Variants in STRN4 observed in about 807,000 individuals in gnomAD.
STRN4 encodes striatin-4.
In STRN4, 27 loss-of-function variants were observed where a neutral mutation model predicts 77.9. That is an observed-to-expected ratio of 0.35 (90% CI 0.26 to 0.48). The LOEUF is 0.48. STRN4 is among the 20% of genes least tolerant of loss of function. The pLI is 0.99. For synonymous variants in STRN4, 466 were observed against 443.1 expected, an observed-to-expected ratio of 1.05 and a Z score of -0.65; for missense variants, 798 against 1,049.7, an observed-to-expected ratio of 0.76 and a Z score of 3.31.
In STRN4 at chr19:46,727,526, T is replaced by G. The variant is rs756518884; in HGVS notation, c.1174A>C (p.Ile392Leu). 6.2e-7 allele frequency: 1 copy of G among 1,613,340 alleles called. No homozygotes were observed. The highest frequency in any genetic ancestry group is 8.5e-7 in the Non-Finnish European group (1 of 1,179,834). ...CCCAGGCTCACCTCCCCGCCCCCGA[T>G]AGTGTCCATGATGAAGACGTCTGAG... is the stretch of plus-strand genomic sequence containing the variant. ...PHEDVFIMDT[I>L]GGGEVSLGDL... The change falls in exon 9 of 18, where the codon ATC becomes CTC. Residue 392 changes from isoleucine to leucine, a missense_variant. Coordinates refer to ENST00000263280, the MANE Select transcript of STRN4 (RefSeq NM_013403.3).
At chr19:46,728,224 G>GCCAC (rs2054167387) in intron 7 of STRN4, 1 of 664,796 alleles carries the variant, frequency 1.5e-6, no homozygotes, top group Admixed American at 2.2e-5. Flanking sequence ...TCAGGCCCCA[G>GCCAC]CCACCCATCC....
rs1408086764 is a variant in STRN4, at chr19:46,746,162, C to T, written c.269G>A (p.Arg90His). The change falls in exon 1 of 18, where the codon CGC (arginine) becomes CAC (histidine). Residue 90 changes from arginine (R) to histidine (H), a missense_variant. Around this residue, in one of 2 missense-constraint regions of STRN4, gnomAD observed 511 missense variants for 575.9 expected, o/e 0.89. Coordinates refer to ENST00000263280, the MANE Select transcript of STRN4 (RefSeq NM_013403.3). ...GACAGCGCTCACCTGTAACTCGGCG[C>T]GCTCGGCCTCCCAGCGGGCTTTCTC... ...EAEKARWEAE[R>H]AELQAQVAFL... 3 of 1,528,126 alleles carry T rather than the reference C, an allele frequency of 2.0e-6. No homozygotes were observed. Among genetic ancestry groups the T allele is most frequent in the African/African-American group, 2.9e-5 (2 of 69,636 alleles). The allele number at this position is 1,528,126 out of a possible 1,614,324, so 94.7% of individuals were successfully genotyped here.
Position 46,720,584 on chromosome 19 carries a change from G to T in STRN4, c.*18C>A. ...ACACCCCAGCCAGCGTGGCGGCCAG[G>T]GCAGGGCCAGGTGGGCATCATACGA... On this transcript the variant is annotated 3_prime_UTR_variant, in exon 17 of 18. Coordinates refer to ENST00000263280, the MANE Select transcript of STRN4 (RefSeq NM_013403.3). 1 of 1,547,926 alleles carries T rather than the reference G, an allele frequency of 6.5e-7. No homozygotes were observed. Among genetic ancestry groups the T allele is most frequent in the Non-Finnish European group, 8.8e-7 (1 of 1,142,346 alleles).
At chr19:46,734,111 C>A (rs2054310192) in intron 4 of STRN4, among the ~76,000 whole-genome samples, 4 of 152,192 alleles carry the variant, frequency 2.6e-5, no homozygotes. Context: ...TCCTATCTCC[C>A]CACCAAAAGA....
intron 12 of STRN4, among the ~76,000 whole-genome samples, chr19:46,724,469 A>T (rs1451387832): frequency 6.6e-6 from 1 of 152,196 alleles, no homozygotes; most frequent in Non-Finnish European, 1.5e-5. Context: ...CACACAGAGT[A>T]CACGGCATGG....
At chr19:46,745,384 C>T (rs1326834363) in intron 1 of STRN4, among the ~76,000 whole-genome samples, 1 of 152,182 alleles carries the variant, frequency 6.6e-6, no homozygotes, top group Non-Finnish European at 1.5e-5. Flanking sequence ...TGCAGCCACA[C>T]ATGCCCGGGA....
chr19:46,732,895 G>T, intron 5 of STRN4, 144 bp downstream of exon 5: 1 of 960,146 alleles, frequency 1.0e-6, no homozygotes, highest in East Asian at 2.6e-5. Context: ...AGGGACTCAG[G>T]GTTTCAGAAC....
At chr19:46,725,793 C>T in intron 9 of STRN4, 145 bp from the exon 10 acceptor site, 1 of 1,031,600 alleles carries the variant, frequency 9.7e-7, no homozygotes, top group Non-Finnish European at 1.4e-6. Context: ...CAGCCGGGAA[C>T]TCTCCCCTTC....
At chr19:46,729,342 A>G (rs2054196826) in intron 6 of STRN4, among the ~76,000 whole-genome samples, 1 of 152,050 alleles carries the variant, frequency 6.6e-6, no homozygotes, top group Non-Finnish European at 1.5e-5. Flanking sequence ...AGCAGCAGGA[A>G]CCCACTTGCC....
At chr19:46,721,914 G>A (rs2053986806) in intron 16 of STRN4, 72 bp downstream of exon 16, 13 of 1,572,028 alleles carry the variant, frequency 8.3e-6, no homozygotes, top group Admixed American at 3.4e-5. Context: ...CTGAGCACTT[G>A]CCTGGAGCCA....
In STRN4 at chr19:46,728,669, C is replaced by A; in HGVS notation, c.988G>T (p.Gly330Trp). 1 of 1,614,130 alleles carries A rather than the reference C, an allele frequency of 6.2e-7. No individual in the cohort carries two copies. The highest frequency in any genetic ancestry group is 8.5e-7 in the Non-Finnish European group (1 of 1,179,992). The change falls in exon 7 of 18, where the codon GGG becomes TGG. Residue 330 changes from glycine to tryptophan, a missense_variant. Gly to Trp is a radical substitution (Grantham distance 184). Around this residue, in one of 2 missense-constraint regions of STRN4, gnomAD observed 511 missense variants for 575.9 expected, o/e 0.89. Transcript: ENST00000263280. ...GTGCACCGCCGAGGGTCTGGAGCCC[C>A]TTCCCCATCCTCTCCTGAGCCCAGG... ...DFLGSGEDGEGAPDPRRCTVD... is the reference protein window; with the variant it reads ...DFLGSGEDGEWAPDPRRCTVD...
At chr19:46,730,158 C>T (rs1291590422) in intron 6 of STRN4, among the ~76,000 whole-genome samples, 1 of 152,198 alleles carries the variant, frequency 6.6e-6, no homozygotes, top group Non-Finnish European at 1.5e-5. Context: ...ACTCAGCCCT[C>T]CTGCTCTTCC....
At position 46,727,986 on chromosome 19, in the gene STRN4, T is replaced by G. The variant is rs768083048; in HGVS notation, c.1061A>C (p.Gln354Pro). ...ATCCCGCAGGTCAGCCAGAATGCCTTGGAGTTTGACCCGACGGCTTTCTGC... is the reference window on the plus strand; with the variant it reads ...ATCCCGCAGGTCAGCCAGAATGCCTGGGAGTTTGACCCGACGGCTTTCTGC... ...HELESRRVKL[Q>P]GILADLRDVD... Residue 354 changes from glutamine (Q) to proline (P), a missense_variant, in exon 8 of 18, where the codon CAA becomes CCA. Gln to Pro is a moderately conservative substitution (Grantham distance 76, BLOSUM62 -1). Coordinates refer to ENST00000263280, the MANE Select transcript of STRN4 (RefSeq NM_013403.3). 5 of 1,614,012 alleles carry G rather than the reference T, an allele frequency of 3.1e-6. No homozygotes were observed. In the South Asian group the frequency reaches 5.5e-5, roughly 18 times the overall value.
intron 16 of STRN4, 89 bp downstream of exon 16, chr19:46,721,897 G>A (rs2053986214): frequency 7.3e-6 from 11 of 1,497,724 alleles, no homozygotes; most frequent in Non-Finnish European, 1.0e-5. Flanking sequence ...CTGGCCCCCG[G>A]GGCCCCCTGA....
rs754152615 is a variant in STRN4, at chr19:46,733,001, G to A, written c.737+38C>T. The stretch of plus-strand genomic sequence containing the variant: ...CCCTGGCCTTCACCAGCAGTCAGGA[G>A]GAACAGAGAGACACACCTGCCATGT... On this transcript the variant is annotated intron_variant, in intron 5 of 17. Transcript: ENST00000263280. The surrounding 1 kb of genome is among the most constrained non-coding windows in gnomAD (Gnocchi z 4.3). 4 of 1,580,460 alleles carry A rather than the reference G, an allele frequency of 2.5e-6. No individual in the cohort carries two copies. The Admixed American group carries it at 6.9e-5, about 27-fold the overall frequency.
In STRN4 at chr19:46,722,895, C is replaced by T; in HGVS notation, c.1821G>A (p.Val607=). 6.2e-7 allele frequency: 1 copy of T among 1,614,008 alleles called. No individual in the cohort carries two copies. The highest frequency in any genetic ancestry group is 8.5e-7 in the Non-Finnish European group (1 of 1,180,036). ...AFTSTEPAHI[V]ASFRSGDTVL... ...CGGTGTCGCCAGAGCGGAAGGAGGC[C>T]ACGATGTGGGCAGGCTCGGTGCTGG... Residue 607 remains valine (V), a synonymous_variant, in exon 14 of 18, where the codon GTG becomes GTA. Coordinates refer to ENST00000263280, the MANE Select transcript of STRN4 (RefSeq NM_013403.3).
intron 16 of STRN4, 86 bp downstream of exon 16, chr19:46,721,900 C>T: frequency 6.6e-7 from 1 of 1,507,086 alleles, no homozygotes; most frequent in Non-Finnish European, 9.1e-7. Flanking sequence ...GCCCCCGGGG[C>T]CCCCTGAGCA....
At position 46,733,438 on chromosome 19, in the gene STRN4, T is replaced by C. The variant is rs2054296045; in HGVS notation, c.540-202A>G. ...CCTTGTACACACACACAATGCTATG[T>C]GTGAGGGTGCTCCCTGCACTGCTGT... On this transcript the variant is annotated intron_variant, in intron 4 of 17. Transcript: ENST00000263280. The surrounding 1 kb of genome is among the most constrained non-coding windows in gnomAD (Gnocchi z 4.3). 1.7e-6 allele frequency: 1 copy of C among 588,856 alleles called. No homozygotes were observed. Among genetic ancestry groups the C allele is most frequent in the Non-Finnish European group, 3.0e-6 (1 of 329,858 alleles). 36.5% of individuals were successfully genotyped at this position (588,856 alleles called of 1,614,324 possible).
rs905069294 is a variant in STRN4 at position 46,741,700 on chromosome 19, C to T, written c.283-2812G>A. Among the ~76,000 whole-genome samples, 24 of 152,226 alleles carry T rather than the reference C, an allele frequency of 1.6e-4. No individual in the cohort carries two copies. The highest frequency in any genetic ancestry group is 1.6e-3 in the Admixed American group (24 of 15,284). On this transcript the variant is annotated intron_variant, in intron 1 of 17. Transcript: ENST00000263280. The surrounding 1 kb of genome is among the most constrained non-coding windows in gnomAD (Gnocchi z 4.9). ...TGATACCTGGCAGCTACTGCCTCTC[C>T]GCCCCTCCAGCTATTCCCAGCAAGG...
Sources: gnomAD v4.1 joint callset for allele counts (sites outside exome capture counted in the v4.1 genomes callset) on GRCh38, gnomAD v4.1.1 for gene constraint, gnomAD v4.1.1 regional missense constraint, Gnocchi (gnomAD v3.1) non-coding constraint, MANE v1.5 for transcripts, NCBI Gene and HGNC (gene_info 2026-07-23, HGNC 2026-07-21) for gene names.